Variants in KCNIP4 observed in about 807,000 individuals in gnomAD.
KCNIP4 encodes the protein Kv channel-interacting protein 4.
A neutral mutation model predicts 34.0 loss-of-function variants in KCNIP4; 12 were observed. The ratio of observed to expected loss-of-function variants is 0.35; its 90% CI spans 0.23 to 0.57. The LOEUF (loss-of-function observed/expected upper bound fraction) is 0.57, where lower values mean the gene tolerates loss of function less well. Ranked by LOEUF, KCNIP4 falls within the 20% of genes least tolerant of loss-of-function variation. The pLI is 0.83. For missense variants in KCNIP4, 238 were observed against 311.7 expected, an observed-to-expected ratio of 0.76 and a Z score of 1.78; for synonymous variants, 124 against 102.2, an observed-to-expected ratio of 1.21 and a Z score of -1.29.
intron 1 of KCNIP4, among the ~76,000 whole-genome samples, chr4:21,758,834 T>C (rs995448836): frequency 1.3e-5 from 2 of 152,156 alleles, no homozygotes; most frequent in African/African-American, 2.4e-5. Context: ...ATATCCTGGT[T>C]AAAACCTCCA....
intron 1 of KCNIP4, among the ~76,000 whole-genome samples, chr4:21,694,237 T>G (rs768265680): frequency 1.3e-5 from 2 of 152,118 alleles, no homozygotes; most frequent in Non-Finnish European, 2.9e-5. Flanking sequence ...CTAAGACCTA[T>G]CTCCATTTAT....
chr4:20,903,006 G>T (rs969595044), intron 1 of KCNIP4, among the ~76,000 whole-genome samples: 5 of 152,034 alleles, frequency 3.3e-5, no homozygotes, highest in African/African-American at 1.2e-4. Context: ...TCTCATATGG[G>T]AATAATTTCC....
chr4:21,304,806 T>C (rs536250436), intron 1 of KCNIP4, among the ~76,000 whole-genome samples: 1 of 152,294 alleles, frequency 6.6e-6, no homozygotes, highest in South Asian at 2.1e-4. Context: ...AATAAACTAA[T>C]AAGTATTCAT....
At chr4:21,512,067 A>G (rs1734365213) in intron 1 of KCNIP4, among the ~76,000 whole-genome samples, 1 of 138,182 alleles carries the variant, frequency 7.2e-6, no homozygotes, top group Non-Finnish European at 1.6e-5. Context: ...GAAGGAAGGA[A>G]GGAAGGAAAG....
At chr4:20,837,433 T>C (rs1719175529) in intron 3 of KCNIP4, among the ~76,000 whole-genome samples, 1 of 151,906 alleles carries the variant, frequency 6.6e-6, no homozygotes, top group African/African-American at 2.4e-5. Context: ...AATGAACACA[T>C]TTAAATGGGG....
intron 1 of KCNIP4, among the ~76,000 whole-genome samples, chr4:21,468,610 C>G (rs1730192450): frequency 6.6e-6 from 1 of 152,090 alleles, no homozygotes; most frequent in African/African-American, 2.4e-5. Flanking sequence ...CTAGTGGCCA[C>G]ATGCCTTATA....
chr4:21,306,306 T>C (rs917187245), intron 1 of KCNIP4, among the ~76,000 whole-genome samples: 1 of 152,212 alleles, frequency 6.6e-6, no homozygotes, highest in African/African-American at 2.4e-5. Context: ...AATCCAAATA[T>C]TGGCACAAGT....
At chr4:21,009,443 A>G (rs560509447) in intron 1 of KCNIP4, among the ~76,000 whole-genome samples, 3 of 152,300 alleles carry the variant, frequency 2.0e-5, no homozygotes, top group African/African-American at 7.2e-5. Context: ...TTACTGTGTT[A>G]AGGGTTGACC....
At chr4:20,996,549 C>T (rs1182209844) in intron 1 of KCNIP4, among the ~76,000 whole-genome samples, 1 of 152,124 alleles carries the variant, frequency 6.6e-6, no homozygotes, top group Admixed American at 6.6e-5. Flanking sequence ...TTCTTTACCC[C>T]AAGATTGTCC....
Position 21,578,332 on chromosome 4 carries a change from CAAAAAAAAAAA to C in KCNIP4, c.61+370228_61+370238del, listed in dbSNP as rs71191522. 1.6e-4 allele frequency among the ~76,000 whole-genome samples: 12 copies of C among 75,128 alleles called. No individual in the cohort carries two copies. In the South Asian group the frequency reaches 1.8e-3, roughly 11 times the overall value. The allele number at this position is 75,128 out of a possible 152,430, so 49.3% of individuals were successfully genotyped here. A position where few individuals can be genotyped will look rare whatever the true frequency, so the allele number is the denominator to read the frequency against. The stretch of plus-strand genomic sequence containing the variant: ...TGGGTGACAGAGCGAGACTCCGTCT[CAAAAAAAAAAA>C]AAAAAAAAAAAAAAAGAGTTCATGC... On this transcript the variant is annotated intron_variant, in intron 1 of 8. Coordinates refer to ENST00000382152, the MANE Select transcript of KCNIP4 (RefSeq NM_025221.6).
chr4:21,394,095 A>G (rs1467913206), intron 1 of KCNIP4, among the ~76,000 whole-genome samples: 3 of 152,196 alleles, frequency 2.0e-5, no homozygotes, highest in Non-Finnish European at 4.4e-5. Flanking sequence ...GTCTTTAGAG[A>G]AAAAATTATG....
At chr4:21,155,079 C>T (rs1753048442) in intron 1 of KCNIP4, among the ~76,000 whole-genome samples, 1 of 152,046 alleles carries the variant, frequency 6.6e-6, no homozygotes, top group African/African-American at 2.4e-5. Flanking sequence ...CAGTCTGGGC[C>T]AGATATGCCT....
chr4:21,060,044 G>C (rs1743777874), intron 1 of KCNIP4, among the ~76,000 whole-genome samples: 1 of 152,054 alleles, frequency 6.6e-6, no homozygotes, highest in Non-Finnish European at 1.5e-5. Context: ...TAAAAAGATT[G>C]GAGATTTGTA....
chr4:21,070,932 C>T (rs1744855528), intron 1 of KCNIP4, among the ~76,000 whole-genome samples: 1 of 151,934 alleles, frequency 6.6e-6, no homozygotes, highest in African/African-American at 2.4e-5. Flanking sequence ...ACCTCGGCTT[C>T]CCAAAGTGCT....
intron 1 of KCNIP4, among the ~76,000 whole-genome samples, chr4:20,993,191 C>A (rs1737243502): frequency 1.3e-5 from 2 of 152,004 alleles, no homozygotes; most frequent in Non-Finnish European, 2.9e-5. Context: ...GTTTTTGGAC[C>A]ATTAGTCCAG....
At chr4:21,270,553 A>T (rs934919851) in intron 1 of KCNIP4, among the ~76,000 whole-genome samples, 1 of 152,250 alleles carries the variant, frequency 6.6e-6, no homozygotes, top group South Asian at 2.1e-4. Context: ...TATTATGCAC[A>T]TGATAATTAT....
intron 1 of KCNIP4, among the ~76,000 whole-genome samples, chr4:21,647,920 C>T (rs955797076): frequency 1.6e-5 from 2 of 124,764 alleles, no homozygotes; most frequent in Non-Finnish European, 3.1e-5. Context: ...GGTGCCCAGG[C>T]TGGAGTGCAG....
chr4:21,837,156 A>T (rs1723378216), intron 1 of KCNIP4, among the ~76,000 whole-genome samples: 1 of 117,670 alleles, frequency 8.5e-6, no homozygotes, highest in Non-Finnish European at 1.7e-5. Flanking sequence ...TGACCTTGTG[A>T]TCTGCCCGCC....
At chr4:21,549,881 A>C (rs1454976622) in intron 1 of KCNIP4, among the ~76,000 whole-genome samples, 1 of 152,066 alleles carries the variant, frequency 6.6e-6, no homozygotes, top group East Asian at 1.9e-4. Context: ...CACATGTTAA[A>C]TCTGGGAGCT....
Sources: allele counts gnomAD v4.1 joint callset (sites outside exome capture counted in the v4.1 genomes callset), GRCh38; gene constraint gnomAD v4.1.1; transcripts MANE v1.5; gene names NCBI Gene and HGNC (gene_info 2026-07-23, HGNC 2026-07-21).